Variants in FLG observed in about 807,000 individuals in gnomAD.
FLG encodes filaggrin, also known as epidermal filaggrin.
A neutral mutation model predicts 3.8 loss-of-function variants in FLG; 6 were observed. The observed-to-expected ratio is 1.60, with a 90% CI of 0.87 to 3.15. The LOEUF is 3.15. Among genes scored for constraint, FLG ranks in the 30% most tolerant of loss-of-function variants. FLG has a pLI of 0.00. For missense variants in FLG, 7,595 were observed against 5,050.9 expected (o/e 1.50, Z -15.27); for synonymous variants, 2,551 against 1,931.6 (o/e 1.32, Z -8.41).
Position 152,313,336 on chromosome 1 carries a change from C to T in FLG, c.1550G>A (p.Arg517His), listed in dbSNP as rs553216612. The change falls in exon 3 of 3, where the codon CGT (arginine) becomes CAT (histidine). Residue 517 changes from arginine to histidine, a missense_variant. Coordinates refer to ENST00000368799, the MANE Select transcript of FLG (RefSeq NM_002016.2). Reference protein sequence around the residue: ...SASQEGQDTIRGHPGSSRGGR... With the variant: ...SASQEGQDTIHGHPGSSRGGR... ...TCCTCTGCTTGACCCCGGGTGTCCACGAATGGTGTCCTGACCCTCTTGGGA... is the reference window on the plus strand; with the variant it reads ...TCCTCTGCTTGACCCCGGGTGTCCATGAATGGTGTCCTGACCCTCTTGGGA... 30 of 1,613,466 alleles carry T rather than the reference C, an allele frequency of 1.9e-5. No homozygotes were observed. Among genetic ancestry groups the T allele is most frequent in the African/African-American group, 6.7e-5 (5 of 74,778 alleles).
rs777143918 is a variant in FLG, at chr1:152,312,067, C to T, written c.2819G>A (p.Arg940Lys). ...QGQSEGSRTS[R>K]RQGSSVSQDS... ...CTGGCTAACACTGGATCCCTGGCGC[C>T]TGCTTGTCCTGGACCCCTCTGATTG... The change falls in exon 3 of 3, where the codon AGG becomes AAG. Residue 940 changes from arginine (R) to lysine (K), a missense_variant. Arg to Lys is a conservative substitution (Grantham distance 26). Coordinates refer to ENST00000368799, the MANE Select transcript of FLG (RefSeq NM_002016.2). 6.8e-6 allele frequency: 11 copies of T among 1,614,084 alleles called. No individual in the cohort carries two copies. The highest frequency in any genetic ancestry group is 1.6e-4 in the Middle Eastern group (1 of 6,062).
chr1:152,307,332 A>C lies in FLG; in HGVS notation c.7554T>G (p.Arg2518=), dbSNP rs552711622. ...SGSRSASRQT[R]NDEQSGDGSR... ...AGCCGTCTCCTGATTGTTCATCGTT[A>C]CGAGTTTGTCTGCTTGCACTTCTGG... The change falls in exon 3 of 3, where the codon CGT becomes CGG. Residue 2518 remains arginine, a synonymous_variant. Coordinates refer to ENST00000368799, the MANE Select transcript of FLG (RefSeq NM_002016.2). The C allele has an allele frequency of 9.3e-6, 15 of 1,612,390 alleles. No homozygotes were observed. The East Asian group carries it at 3.4e-4, about 36-fold the overall frequency.
Position 152,311,289 on chromosome 1 carries a change from T to C in FLG, c.3597A>G (p.Thr1199=). 6.2e-7 allele frequency: 1 copy of C among 1,613,806 alleles called. No individual in the cohort carries two copies. Among genetic ancestry groups the C allele is most frequent in the Non-Finnish European group, 8.5e-7 (1 of 1,179,940 alleles). ...GHSGSHHSHT[T]SQGRSDASHG... Reference sequence around the variant, plus strand: ...GGGAGGCATCAGACCTTCCCTGGGATGTGGTGTGGCTGTGATGGGACCCTG... The same window carrying C: ...GGGAGGCATCAGACCTTCCCTGGGACGTGGTGTGGCTGTGATGGGACCCTG... Residue 1199 remains threonine, a synonymous_variant, in exon 3 of 3, where the codon ACA becomes ACG. Transcript: ENST00000368799.
At position 152,305,389 on chromosome 1, in the gene FLG, C is replaced by T. The variant is rs145566935; in HGVS notation, c.9497G>A (p.Arg3166His). 146 of 1,605,784 alleles carry T rather than the reference C, an allele frequency of 9.1e-5. No individual in the cohort carries two copies. The African/African-American group carries it at 1.2e-3, about 13-fold the overall frequency. Residue 3166 changes from arginine to histidine, a missense_variant, in exon 3 of 3, where the codon CGT becomes CAT. Arg to His is a conservative substitution (Grantham distance 29). Transcript: ENST00000368799. ...GCTGTCTCCTGATTGTTCCTCATTACGTGTTGTTCTGCTTGCACTTCTGGA... is the reference window on the plus strand; with the variant it reads ...GCTGTCTCCTGATTGTTCCTCATTATGTGTTGTTCTGCTTGCACTTCTGGA... ...SGSRSASRTT[R>H]NEEQSGDSSR... is the part of the protein sequence containing the mutation.
chr1:152,315,511 A>G (rs1652758203), intron 1 of FLG, 34 bp from the exon 2 acceptor site: 2 of 1,513,454 alleles, frequency 1.3e-6, no homozygotes, highest in Non-Finnish European at 9.1e-7. Context: ...ACTTTTTTAT[A>G]CATCTTTTTT....
Position 152,310,005 on chromosome 1 carries a change from TC to T in FLG, c.4880del (p.Arg1627AsnfsTer79), listed in dbSNP as rs1292631720. The T allele has an allele frequency of 6.2e-7, 1 of 1,613,876 alleles. No homozygotes were observed. Among genetic ancestry groups the T allele is most frequent in the Non-Finnish European group, 8.5e-7 (1 of 1,180,026 alleles). ...NHYGSAREQS[R>X]HGSRNPRSHQ... ...GGGACCTGGGGTTCCTGGAGCCATG[TC>T]TTGACTGCTCCCGAGCAGATCCATA... On this transcript the variant is annotated frameshift_variant, in exon 3 of 3. Coordinates refer to ENST00000368799, the MANE Select transcript of FLG (RefSeq NM_002016.2). LOFTEE classifies it low-confidence loss of function (END_TRUNC).
chr1:152,309,851 C>T lies in FLG; in HGVS notation c.5035G>A (p.Glu1679Lys), dbSNP rs1652265293. 1.2e-6 allele frequency: 2 copies of T among 1,614,132 alleles called. No individual in the cohort carries two copies. Among genetic ancestry groups the T allele is most frequent in the East Asian group, 2.2e-5 (1 of 44,856 alleles). ...SQEQARSSPGERHGSRHQQSA... is the reference protein window; with the variant it reads ...SQEQARSSPGKRHGSRHQQSA... ...TGCTGGTGGCGGGATCCATGTCTTT[C>T]TCCTGGACTTGACCTTGCCTGTTCC... Residue 1679 changes from glutamate (E) to lysine (K), a missense_variant, in exon 3 of 3, where the codon GAA (glutamate) becomes AAA (lysine). Glu to Lys is a moderately conservative substitution (Grantham distance 56). Coordinates refer to ENST00000368799, the MANE Select transcript of FLG (RefSeq NM_002016.2).
At position 152,310,649 on chromosome 1, in the gene FLG, G is replaced by A. The variant is rs761586008; in HGVS notation, c.4237C>T (p.His1413Tyr). 3 of 1,613,928 alleles carry A rather than the reference G, an allele frequency of 1.9e-6. No individual in the cohort carries two copies. In the South Asian group the frequency reaches 3.3e-5, roughly 18 times the overall value. Residue 1413 changes from histidine (H) to tyrosine (Y), a missense_variant, in exon 3 of 3, where the codon CAC becomes TAC. Coordinates refer to ENST00000368799, the MANE Select transcript of FLG (RefSeq NM_002016.2). ...EDSDTQSVSA[H>Y]GQAGPHQQSH... ...TGCTGATGGGGCCCAGCTTGTCCGTGGGCTGACACTGACTGTGTGTCTGAG... is the reference window on the plus strand; with the variant it reads ...TGCTGATGGGGCCCAGCTTGTCCGTAGGCTGACACTGACTGTGTGTCTGAG...
rs1557877201 is a variant in FLG at position 152,309,940 on chromosome 1, C to T, written c.4946G>A (p.Ser1649Asn). 1 of 1,614,136 alleles carries T rather than the reference C, an allele frequency of 6.2e-7. No homozygotes were observed. The highest frequency in any genetic ancestry group is 8.5e-7 in the Non-Finnish European group (1 of 1,180,022). Residue 1649 changes from serine (S) to asparagine (N), a missense_variant, in exon 3 of 3, where the codon AGC (serine) becomes AAC (asparagine). Ser to Asn is a conservative substitution (Grantham distance 46, BLOSUM62 1). Coordinates refer to ENST00000368799, the MANE Select transcript of FLG (RefSeq NM_002016.2). ...DRASHGHSAE[S>N]SRQSGTRHAE... The stretch of plus-strand genomic sequence containing the variant: ...ATGACGAGTGCCTGATTGTCTGGAG[C>T]TCTCTGCAGAGTGCCCATGACTGGC...
In FLG at chr1:152,310,114, C is replaced by A. The variant is rs114578178; in HGVS notation, c.4772G>T (p.Gly1591Val). ...GTCCCTGTCCTGACTAACACTGGAT[C>A]CCTGGCGCCTGCTTGTCTTGGACCC... ...SAGSKTSRRQ[G>V]SSVSQDRDSE... The change falls in exon 3 of 3, where the codon GGA becomes GTA. Residue 1591 changes from glycine (G) to valine (V), a missense_variant. By Grantham distance (109) the Gly-to-Val change is moderately radical. Transcript: ENST00000368799. 481 of 1,614,024 alleles carry A rather than the reference C, an allele frequency of 3.0e-4. 2 individuals carry two copies. In the African/African-American group the frequency reaches 5.4e-3, roughly 18 times the overall value.
Position 152,312,809 on chromosome 1 carries a change from C to A in FLG, c.2077G>T (p.Ala693Ser). Residue 693 changes from alanine (A) to serine (S), a missense_variant, in exon 3 of 3, where the codon GCT (alanine) becomes TCT (serine). Transcript: ENST00000368799. The stretch of plus-strand genomic sequence containing the variant: ...CTTGCCTGTTCATGGGATGACGCAG[C>A]CTGTCCACTAGAGGAATTCTGTGTG... ...RHTQNSSSGQ[A>S]ASSHEQARSS... 1 of 1,614,030 alleles carries A rather than the reference C, an allele frequency of 6.2e-7. No individual in the cohort carries two copies. The highest frequency in any genetic ancestry group is 8.5e-7 in the Non-Finnish European group (1 of 1,180,020).
In FLG at chr1:152,312,783, T is replaced by C; in HGVS notation, c.2103A>G (p.Arg701=). The change falls in exon 3 of 3, where the codon AGA becomes AGG. Residue 701 remains arginine, a synonymous_variant. Transcript: ENST00000368799. ...GQAASSHEQA[R]SSAGERHGSR... ...ATCCATGTCTTTCTCCTGCACTTGATCTTGCCTGTTCATGGGATGACGCAG... is the reference window on the plus strand; with the variant it reads ...ATCCATGTCTTTCTCCTGCACTTGACCTTGCCTGTTCATGGGATGACGCAG... The C allele has an allele frequency of 1.9e-6, 3 of 1,614,008 alleles. No individual in the cohort carries two copies. The highest frequency in any genetic ancestry group is 2.5e-6 in the Non-Finnish European group (3 of 1,180,008).
intron 1 of FLG, among the ~76,000 whole-genome samples, chr1:152,316,926 A>C (rs1406911735): frequency 6.6e-6 from 1 of 152,094 alleles, no homozygotes; most frequent in African/African-American, 2.4e-5. Flanking sequence ...TTTATCTCTG[A>C]TGTCCTTGAT....
rs769080441 is a variant in FLG, at chr1:152,304,180, T to A, written c.10706A>T (p.Glu3569Val). ...ASRNHRGSAQEQSRDGSRHPT... is the reference protein window; with the variant it reads ...ASRNHRGSAQVQSRDGSRHPT... ...GTGTCTGGAGCCATCTCTTGACTGC[T>A]CCTGAGCAGATCCACGATGGTTTCT... Residue 3569 changes from glutamate (E) to valine (V), a missense_variant, in exon 3 of 3, where the codon GAG becomes GTG. Glu to Val is a moderately radical substitution (Grantham distance 121, BLOSUM62 -2). Transcript: ENST00000368799. The A allele has an allele frequency of 1.9e-6, 3 of 1,607,734 alleles. No homozygotes were observed. The highest frequency in any genetic ancestry group is 2.5e-6 in the Non-Finnish European group (3 of 1,179,126).
intron 1 of FLG, among the ~76,000 whole-genome samples, chr1:152,318,118 C>T (rs77721552): frequency 0.051 from 7,797 of 151,880 alleles, 327 homozygotes; most frequent in Non-Finnish European, 0.072. Context: ...AACCATTATT[C>T]CACCCTCCCC....
rs1299754620 is a variant in FLG at position 152,309,028 on chromosome 1, C to T, written c.5858G>A (p.Gly1953Asp). ...GTGATGGGACCCAGGGTGTCTGGAGCCATCTCTTGACTGCTCCCAAGCAGA... is the reference window on the plus strand; with the variant it reads ...GTGATGGGACCCAGGGTGTCTGGAGTCATCTCTTGACTGCTCCCAAGCAGA... ...LGSAWEQSRD[G>D]SRHPGSHHED... Residue 1953 changes from glycine to aspartate, a missense_variant, in exon 3 of 3, where the codon GGC (glycine) becomes GAC (aspartate). Physicochemically the swap from Gly to Asp is moderately conservative, Grantham distance 94. Coordinates refer to ENST00000368799, the MANE Select transcript of FLG (RefSeq NM_002016.2). 1 of 1,614,158 alleles carries T rather than the reference C, an allele frequency of 6.2e-7. No homozygotes were observed. Among genetic ancestry groups the T allele is most frequent in the Non-Finnish European group, 8.5e-7 (1 of 1,180,020 alleles).
rs926822287 is a variant in FLG at position 152,315,025 on chromosome 1, CA to C, written c.139-279del. Reference sequence around the variant, plus strand: ...TAATTCATTACTTAGTTGTCTTTAACAAAAATCCCCTTAGTAATGTTGATGT... The same window carrying C: ...TAATTCATTACTTAGTTGTCTTTAACAAAATCCCCTTAGTAATGTTGATGT... On this transcript the variant is annotated intron_variant, in intron 2 of 2. Coordinates refer to ENST00000368799, the MANE Select transcript of FLG (RefSeq NM_002016.2). 3.7e-4 allele frequency: 157 copies of C among 422,148 alleles called. 1 individual carries two copies. Among genetic ancestry groups the C allele is most frequent in the African/African-American group, 2.8e-3 (141 of 49,514 alleles). 26.2% of individuals were successfully genotyped at this position (422,148 alleles called of 1,614,324 possible). A position where few individuals can be genotyped will look rare whatever the true frequency, so the allele number is the denominator to read the frequency against.
chr1:152,310,734 G>C lies in FLG; in HGVS notation c.4152C>G (p.Asp1384Glu), dbSNP rs1469337323. ...TACCACTGGACCCTCGGTGTCCACT[G>C]TCTCTGACTGCAGATGAAGCTTGTC... ...GHRQASSAVR[D>E]SGHRGSSGSQ... Residue 1384 changes from aspartate (D) to glutamate (E), a missense_variant, in exon 3 of 3, where the codon GAC (aspartate) becomes GAG (glutamate). By Grantham distance (45) the Asp-to-Glu change is conservative. Coordinates refer to ENST00000368799, the MANE Select transcript of FLG (RefSeq NM_002016.2). The C allele has an allele frequency of 5.6e-6, 9 of 1,614,012 alleles. No homozygotes were observed. In the Admixed American group the frequency reaches 1.2e-4, roughly 21 times the overall value.
At position 152,312,351 on chromosome 1, in the gene FLG, C is replaced by A. The variant is rs148002225; in HGVS notation, c.2535G>T (p.Pro845=). 1 of 1,611,602 alleles carries A rather than the reference C, an allele frequency of 6.2e-7. No individual in the cohort carries two copies. The highest frequency in any genetic ancestry group is 8.5e-7 in the Non-Finnish European group (1 of 1,179,368). The change falls in exon 3 of 3, where the codon CCG becomes CCT. Residue 845 remains proline, a synonymous_variant. Coordinates refer to ENST00000368799, the MANE Select transcript of FLG (RefSeq NM_002016.2). ...CCTGCCTTCCTCTTCTGCTTGACCC[C>A]GGGTGTCCACGAATGGTGTCCTGAC... is the stretch of plus-strand genomic sequence containing the variant. The part of the protein sequence containing the change: ...QDGQDTIRGH[P]GSSRRGRQGS...
Sources: allele counts gnomAD v4.1 joint callset (sites outside exome capture counted in the v4.1 genomes callset), GRCh38; gene constraint gnomAD v4.1.1; transcripts MANE v1.5; gene names NCBI Gene and HGNC (gene_info 2026-07-23, HGNC 2026-07-21).